BCKDHB: variants seen among roughly 807,000 people sequenced by gnomAD.
BCKDHB encodes the protein branched chain keto acid dehydrogenase E1 subunit beta, also known as 2-oxoisovalerate dehydrogenase subunit beta, mitochondrial.
In BCKDHB, 41 loss-of-function variants were observed where a neutral mutation model predicts 48.5. The ratio of observed to expected loss-of-function variants is 0.85; its 90% CI spans 0.66 to 1.10. The LOEUF (loss-of-function observed/expected upper bound fraction) is 1.10, where lower values mean the gene tolerates loss of function less well. BCKDHB is among the 50% of genes least tolerant of loss of function. The pLI, the probability that BCKDHB is intolerant of heterozygous loss-of-function variation, is 0.00. For missense variants in BCKDHB, 496 were observed against 494.2 expected, an observed-to-expected ratio of 1.00 and a Z score of -0.03; for synonymous variants, 201 against 174.8, an observed-to-expected ratio of 1.15 and a Z score of -1.18.
the BCKDHB span, among the ~76,000 whole-genome samples, chr6:80,423,675 A>G: frequency 1.3e-5 from 2 of 152,188 alleles, no homozygotes; most frequent in Non-Finnish European, 2.9e-5. Flanking sequence ...TCTCTGCTCT[A>G]TTCTTGCTGA....
chr6:80,240,304 G>A (rs546396068), intron 8 of BCKDHB, among the ~76,000 whole-genome samples: 1 of 152,170 alleles, frequency 6.6e-6, no homozygotes, highest in Non-Finnish European at 1.5e-5. Flanking sequence ...CCATTTGTTT[G>A]TGTATTCTTT....
chr6:80,251,658 C>A (rs1776842957), intron 8 of BCKDHB: 1 of 152,166 alleles, frequency 6.6e-6, no homozygotes, highest in Non-Finnish European at 1.5e-5. Context: ...TATTCATACT[C>A]TGTTCTCATA....
chr6:80,376,105 G>A, the BCKDHB span, among the ~76,000 whole-genome samples: 79,464 of 151,868 alleles, frequency 0.52, 21,262 homozygotes, highest in Non-Finnish European at 0.59. Context: ...AGCTACCAAG[G>A]TGGGAAGAGA....
At chr6:80,388,051 C>G in the BCKDHB span, among the ~76,000 whole-genome samples, 2 of 152,188 alleles carry the variant, frequency 1.3e-5, no homozygotes, top group Non-Finnish European at 1.5e-5. Flanking sequence ...CTGCATTAGG[C>G]CCCTCTTACA....
chr6:80,233,655 T>C (rs1776026090), intron 8 of BCKDHB, among the ~76,000 whole-genome samples: 1 of 152,190 alleles, frequency 6.6e-6, no homozygotes, highest in East Asian at 1.9e-4. Flanking sequence ...GTTCTTAATC[T>C]TTGCATTTTA....
At chr6:80,157,387 A>G (rs1433419680) in intron 3 of BCKDHB, among the ~76,000 whole-genome samples, 2 of 150,300 alleles carry the variant, frequency 1.3e-5, no homozygotes, top group Non-Finnish European at 1.5e-5. Flanking sequence ...TCATTCATAC[A>G]TTGAACAAAT....
chr6:80,424,722 A>G, the BCKDHB span, among the ~76,000 whole-genome samples: 1 of 152,204 alleles, frequency 6.6e-6, no homozygotes, highest in African/African-American at 2.4e-5. Context: ...AGATATTGCA[A>G]CATGGTCTCC....
intron 8 of BCKDHB, among the ~76,000 whole-genome samples, chr6:80,268,273 A>G (rs1582472305): frequency 1.3e-5 from 2 of 152,122 alleles, no homozygotes; most frequent in African/African-American, 4.8e-5. Context: ...AAGTTCATCA[A>G]AATTCTATCC....
intron 3 of BCKDHB, among the ~76,000 whole-genome samples, chr6:80,146,524 A>C (rs1363079194): frequency 1.3e-5 from 2 of 152,176 alleles, no homozygotes; most frequent in African/African-American, 4.8e-5. Flanking sequence ...GTCAAGGCCT[A>C]AATCCGCAGG....
chr6:80,276,374 A>G (rs1777968506), intron 9 of BCKDHB, among the ~76,000 whole-genome samples: 1 of 152,004 alleles, frequency 6.6e-6, no homozygotes, highest in Non-Finnish European at 1.5e-5. Flanking sequence ...TACTACCTAT[A>G]TTAAAATAAA....
chr6:80,116,688 TATAGA>T (rs1446927109), intron 1 of BCKDHB, among the ~76,000 whole-genome samples: 1 of 152,232 alleles, frequency 6.6e-6, no homozygotes, highest in Admixed American at 6.5e-5. Flanking sequence ...GCATCCTTGA[TATAGA>T]AGAAAGTGTG....
intron 9 of BCKDHB, among the ~76,000 whole-genome samples, chr6:80,322,321 C>G (rs1361475169): frequency 6.7e-6 from 1 of 150,100 alleles, no homozygotes; most frequent in Non-Finnish European, 1.5e-5. Flanking sequence ...TCACTGCAAC[C>G]TCTACCTCCC....
At chr6:80,279,076 T>G (rs1362302357) in intron 9 of BCKDHB, among the ~76,000 whole-genome samples, 3 of 152,184 alleles carry the variant, frequency 2.0e-5, no homozygotes, top group Non-Finnish European at 4.4e-5. Context: ...TATATAAAAA[T>G]GAACTCTATT....
the BCKDHB span, among the ~76,000 whole-genome samples, chr6:80,399,182 G>C: frequency 1.3e-5 from 2 of 152,072 alleles, no homozygotes; most frequent in African/African-American, 4.8e-5. Context: ...GCATTCCCTT[G>C]AAAACTGGCA....
At chr6:80,323,971 A>G (rs1371765230) in intron 9 of BCKDHB, among the ~76,000 whole-genome samples, 1 of 152,020 alleles carries the variant, frequency 6.6e-6, no homozygotes, top group Non-Finnish European at 1.5e-5. Context: ...ACGGGGTTTC[A>G]CCGTGTTAGC....
At chr6:80,415,688 GATTTTTGCATCA>G in the BCKDHB span, among the ~76,000 whole-genome samples, 1 of 152,072 alleles carries the variant, frequency 6.6e-6, no homozygotes, top group Non-Finnish European at 1.5e-5. Flanking sequence ...TTTGATTGAG[GATTTTTGCATCA>G]ATGTTCATTA....
rs373164275 is a variant in BCKDHB at position 80,141,180 on chromosome 6, C to G, written c.343+11951C>G. ...CTTTATCATTTTTAATGCGTCTATT[C>G]GATTCTTCTCTCTTTTCTTCTTTAT... On this transcript the variant is annotated intron_variant, in intron 3 of 9. Coordinates refer to ENST00000320393, the MANE Select transcript of BCKDHB (RefSeq NM_183050.4). Among the ~76,000 whole-genome samples, 3 of 151,778 alleles carry G rather than the reference C, an allele frequency of 2.0e-5. No individual in the cohort carries two copies. In the East Asian group the frequency reaches 5.8e-4, roughly 30 times the overall value.
chr6:80,153,154 T>G (rs1771872667), intron 3 of BCKDHB, among the ~76,000 whole-genome samples: 1 of 126,518 alleles, frequency 7.9e-6, no homozygotes. Context: ...TTGCAGAAGG[T>G]GAGCCGTGGC....
At chr6:80,117,901 T>C (rs1480164317) in intron 1 of BCKDHB, among the ~76,000 whole-genome samples, 1 of 152,178 alleles carries the variant, frequency 6.6e-6, no homozygotes, top group Non-Finnish European at 1.5e-5. Context: ...TGTGTGTGTG[T>C]GTCTTTAATT....
Sources: allele counts gnomAD v4.1 joint callset (sites outside exome capture counted in the v4.1 genomes callset), GRCh38; gene constraint gnomAD v4.1.1; transcripts MANE v1.5; gene names NCBI Gene and HGNC (gene_info 2026-07-23, HGNC 2026-07-21).